The following KATNAL2 variants were observed in gnomAD, a reference collection of about 807,000 sequenced individuals.
The protein encoded by KATNAL2 is katanin p60 ATPase-containing subunit A-like 2.
A neutral mutation model predicts 76.3 loss-of-function variants in KATNAL2; 52 were observed. The observed-to-expected ratio is 0.68, with a 90% CI of 0.55 to 0.86. KATNAL2 has a LOEUF of 0.86. KATNAL2 is among the 40% of genes least tolerant of loss of function. The pLI is 0.00. For synonymous variants in KATNAL2, 243 were observed against 244.2 expected, an observed-to-expected ratio of 1.00 and a Z score of 0.05; for missense variants, 660 against 668.9, an observed-to-expected ratio of 0.99 and a Z score of 0.15.
intron 1 of KATNAL2, chr18:46,920,212 G>T: frequency 2.0e-6 from 1 of 502,248 alleles, no homozygotes; most frequent in Admixed American, 2.4e-5. Context: ...TGTCATTCTG[G>T]CCACAGTATT....
intron 1 of KATNAL2, among the ~76,000 whole-genome samples, chr18:46,919,722 A>G (rs1252587228): frequency 6.6e-6 from 1 of 152,224 alleles, no homozygotes; most frequent in Non-Finnish European, 1.5e-5. Context: ...TGGCTGATAA[A>G]TGCCTAACAA....
At position 47,100,874 on chromosome 18, in the gene KATNAL2, G is replaced by A. The variant is rs117470982; in HGVS notation, c.1486G>A (p.Asp496Asn). The change falls in exon 18 of 18, where the codon GAC becomes AAC. Residue 496 changes from aspartate (D) to asparagine (N), a missense_variant. By Grantham distance (23) the Asp-to-Asn change is conservative. Transcript: ENST00000683218. ...ALENHQSESS[D>N]LPRIQLDIVT... ...TTGTGTTCTTATCCTAGAAAGCAGC[G>A]ACTTACCCAGGATCCAGTTGGATAT... 171 of 1,614,076 alleles carry A rather than the reference G, an allele frequency of 1.1e-4. 1 individual carries two copies. The East Asian group carries it at 3.6e-3, about 34-fold the overall frequency.
In KATNAL2 at chr18:47,035,421, G is replaced by A. The variant is rs2060725769; in HGVS notation, c.52-11036G>A. ...CAGCCTGGAGCGAGCTGGGTCCTCGGAGCAGCAGGCCACTTGGTCTGGAAC... is the reference window on the plus strand; with the variant it reads ...CAGCCTGGAGCGAGCTGGGTCCTCGAAGCAGCAGGCCACTTGGTCTGGAAC... On this transcript the variant is annotated intron_variant, in intron 3 of 17. Coordinates refer to ENST00000683218, the MANE Select transcript of KATNAL2 (RefSeq NM_001387690.1). The A allele has an allele frequency of 4.8e-6, 7 of 1,452,950 alleles. No homozygotes were observed. The South Asian group carries it at 7.1e-5, about 15-fold the overall frequency. 90.0% of individuals were successfully genotyped at this position (1,452,950 alleles called of 1,614,324 possible). A position where few individuals can be genotyped will look rare whatever the true frequency, so the allele number is the denominator to read the frequency against.
intron 3 of KATNAL2, among the ~76,000 whole-genome samples, chr18:47,031,585 C>T (rs1455476930): frequency 4.6e-5 from 7 of 152,144 alleles, no homozygotes; most frequent in Non-Finnish European, 8.8e-5. Context: ...TGTTTCCAGA[C>T]TTCCAGCTAC....
intron 3 of KATNAL2, among the ~76,000 whole-genome samples, chr18:47,040,216 T>C (rs1569065805): frequency 6.6e-6 from 1 of 152,226 alleles, no homozygotes; most frequent in Non-Finnish European, 1.5e-5. Context: ...GAAATTAGGT[T>C]TGAGAAATTG....
chr18:47,082,460 C>G (rs773549937), intron 15 of KATNAL2, among the ~76,000 whole-genome samples: 9 of 152,138 alleles, frequency 5.9e-5, no homozygotes. Context: ...GACACATATT[C>G]CACAGCTAAA....
intron 4 of KATNAL2, among the ~76,000 whole-genome samples, chr18:47,047,154 C>T (rs748120830): frequency 6.6e-6 from 1 of 152,150 alleles, no homozygotes; most frequent in African/African-American, 2.4e-5. Flanking sequence ...TTCCTGAGCT[C>T]AAATGATCAG....
At chr18:46,947,473 C>A (rs1424985042) in intron 3 of KATNAL2, among the ~76,000 whole-genome samples, 1 of 152,014 alleles carries the variant, frequency 6.6e-6, no homozygotes, top group Non-Finnish European at 1.5e-5. Flanking sequence ...AAGTGGTTTA[C>A]CGTGGTCTGT....
chr18:47,043,226 C>CAAAAAAAAAAAA (rs1195140135), intron 3 of KATNAL2, among the ~76,000 whole-genome samples: 1 of 41,686 alleles, frequency 2.4e-5, no homozygotes. Flanking sequence ...GACTCCGTTT[C>CAAAAAAAAAAAA]AAAAAAAAAA....
rs751171566 is a variant in KATNAL2 at position 47,033,793 on chromosome 18, G to GCTT, written c.52-12661_52-12659dup. ...CTCCCGGAACTTTGGTGAAGAGAGT[G>GCTT]CTTCTGGCTTTGCCTGGGAGGTCAT... On this transcript the variant is annotated intron_variant, in intron 3 of 17. Coordinates refer to ENST00000683218, the MANE Select transcript of KATNAL2 (RefSeq NM_001387690.1). The GCTT allele has an allele frequency of 5.6e-6, 9 of 1,614,112 alleles. No individual in the cohort carries two copies. The African/African-American group carries it at 1.2e-4, about 22-fold the overall frequency.
chr18:47,060,990 T>A (rs1229640465), intron 8 of KATNAL2, among the ~76,000 whole-genome samples: 1 of 152,242 alleles, frequency 6.6e-6, no homozygotes, highest in Admixed American at 6.5e-5. Flanking sequence ...AGGGACCATT[T>A]AACCCAGCAC....
intron 3 of KATNAL2, among the ~76,000 whole-genome samples, chr18:46,961,232 C>A (rs1244137819): frequency 7.4e-6 from 1 of 134,482 alleles, no homozygotes; most frequent in Non-Finnish European, 1.6e-5. Flanking sequence ...TTCCTTTTAA[C>A]TTTTCGCTTT....
At chr18:47,093,223 T>G (rs1244466333) in intron 15 of KATNAL2, among the ~76,000 whole-genome samples, 2 of 152,194 alleles carry the variant, frequency 1.3e-5, no homozygotes, top group East Asian at 3.9e-4. Flanking sequence ...ACAGGGTTGT[T>G]GTGAGAATTA....
intron 3 of KATNAL2, among the ~76,000 whole-genome samples, chr18:46,956,184 A>C: frequency 6.6e-6 from 1 of 152,206 alleles, no homozygotes; most frequent in Non-Finnish European, 1.5e-5. Flanking sequence ...AGTGGGTATT[A>C]GATGCTTTTG....
chr18:47,095,094 C>T (rs1308250393), intron 15 of KATNAL2, among the ~76,000 whole-genome samples: 1 of 152,136 alleles, frequency 6.6e-6, no homozygotes, highest in African/African-American at 2.4e-5. Flanking sequence ...TTCTTTTACT[C>T]ATTATTATGC....
intron 3 of KATNAL2, among the ~76,000 whole-genome samples, chr18:47,043,906 T>G (rs1310748052): frequency 6.6e-6 from 1 of 152,124 alleles, no homozygotes; most frequent in African/African-American, 2.4e-5. Context: ...GTCCTAATAA[T>G]GTAATCAGCA....
chr18:46,951,712 G>T (rs902022114), intron 3 of KATNAL2, among the ~76,000 whole-genome samples: 1 of 152,046 alleles, frequency 6.6e-6, no homozygotes, highest in Non-Finnish European at 1.5e-5. Flanking sequence ...TGGTGATTTG[G>T]CTCAGGTTAA....
chr18:47,067,271 G>A, intron 11 of KATNAL2, 152 bp downstream of exon 11: 3 of 428,934 alleles, frequency 7.0e-6, no homozygotes, highest in Non-Finnish European at 1.3e-5. Context: ...CAACCCTGGA[G>A]CACCAAAGCC....
chr18:46,925,609 T>G (rs948277521), intron 1 of KATNAL2, among the ~76,000 whole-genome samples: 3 of 152,146 alleles, frequency 2.0e-5, no homozygotes, highest in South Asian at 4.2e-4. Flanking sequence ...AAATGAGTTA[T>G]GGAGGATTCC....
Sources: gnomAD v4.1 joint callset for allele counts (sites outside exome capture counted in the v4.1 genomes callset) on GRCh38, gnomAD v4.1.1 for gene constraint, MANE v1.5 for transcripts, NCBI Gene and HGNC (gene_info 2026-07-23, HGNC 2026-07-21) for gene names.